The following SAMD4B variants were observed in gnomAD, a reference collection of about 807,000 sequenced individuals.
The protein encoded by SAMD4B is sterile alpha motif domain containing 4B.
Under a neutral mutation model 74.5 loss-of-function variants are expected in SAMD4B, and 5 were observed. The observed-to-expected ratio is 0.07, with a 90% CI of 0.04 to 0.14. SAMD4B has a LOEUF of 0.14. Among genes scored for constraint, SAMD4B ranks in the 10% least tolerant of loss-of-function variants. SAMD4B has a pLI of 1.00. For synonymous variants in SAMD4B, 373 were observed against 374.9 expected, an observed-to-expected ratio of 1.00 and a Z score of 0.06; for missense variants, 608 against 921.8, an observed-to-expected ratio of 0.66 and a Z score of 4.41.
In SAMD4B at chr19:39,374,243, G is replaced by A. The variant is rs749482876; in HGVS notation, c.668-1407G>A. Among the ~76,000 whole-genome samples, 64 of 151,976 alleles carry A rather than the reference G, an allele frequency of 4.2e-4. 1 individual carries two copies. Among genetic ancestry groups the A allele is most frequent in the Non-Finnish European group, 7.4e-4 (50 of 67,972 alleles). Reference sequence around the variant, plus strand: ...CCAAGATTGCACCACCGCACTCGGCGACAGAGCAAAACTCCATCTCAAAAA... The same window carrying A: ...CCAAGATTGCACCACCGCACTCGGCAACAGAGCAAAACTCCATCTCAAAAA... On this transcript the variant is annotated intron_variant, in intron 4 of 13. Coordinates refer to ENST00000610417, the MANE Select transcript of SAMD4B (RefSeq NM_001384574.2).
At chr19:39,350,937 C>G (rs2076005490) in intron 1 of SAMD4B, 1 of 152,102 alleles carries the variant, frequency 6.6e-6, no homozygotes, top group Admixed American at 6.5e-5. Flanking sequence ...AACGGTTTTG[C>G]CATGTTGCCC....
At chr19:39,382,440 T>A (rs1361442625) in intron 12 of SAMD4B, among the ~76,000 whole-genome samples, 1 of 151,958 alleles carries the variant, frequency 6.6e-6, no homozygotes, top group East Asian at 1.9e-4. Context: ...AAAAAAAAAA[T>A]TCTTTTTTTT....
At position 39,385,612 on chromosome 19, in the gene SAMD4B, C is replaced by G. The variant is rs1012533990; in HGVS notation, c.*2085C>G. On this transcript the variant is annotated 3_prime_UTR_variant, in exon 14 of 14. Coordinates refer to ENST00000610417, the MANE Select transcript of SAMD4B (RefSeq NM_001384574.2). Reference sequence around the variant, plus strand: ...TTGAGTAACTGTACAGTTTTTCTCGCTGTTGGAGAAGACTTATTTGTTGGA... The same window carrying G: ...TTGAGTAACTGTACAGTTTTTCTCGGTGTTGGAGAAGACTTATTTGTTGGA... The G allele has an allele frequency of 3.9e-6, 2 of 511,268 alleles. No homozygotes were observed. 31.7% of individuals were successfully genotyped at this position (511,268 alleles called of 1,614,324 possible).
chr19:39,370,241 A>G (rs1486250054), intron 4 of SAMD4B, 116 bp downstream of exon 4: 2 of 986,348 alleles, frequency 2.0e-6, no homozygotes, highest in African/African-American at 3.2e-5. Context: ...GTAGGCCTCA[A>G]CTTTATGAGG....
downstream of SAMD4B, chr19:39,389,311 A>G (rs1026327891): frequency 8.1e-6 from 13 of 1,614,000 alleles, no homozygotes; most frequent in Non-Finnish European, 8.5e-6. The surrounding 1 kb of genome is among the most constrained non-coding windows in gnomAD (Gnocchi z 5.3). Context: ...TGGAGATGCC[A>G]TAACGGTTGA....
chr19:39,380,696 C>T lies in SAMD4B; in HGVS notation c.1759C>T (p.Arg587Trp). 1.2e-6 allele frequency: 2 copies of T among 1,612,774 alleles called. No individual in the cohort carries two copies. The highest frequency in any genetic ancestry group is 2.2e-5 in the East Asian group (1 of 44,858). Residue 587 changes from arginine to tryptophan, a missense_variant, in exon 11 of 14, where the codon CGG becomes TGG. Coordinates refer to ENST00000610417, the MANE Select transcript of SAMD4B (RefSeq NM_001384574.2). ...PMPPRALPPGRMGLLSPSGIG... is the reference protein window; with the variant it reads ...PMPPRALPPGWMGLLSPSGIG... Reference sequence around the variant, plus strand: ...GCCTCCCCGGGCCCTCCCACCCGGCCGGATGGGCCTCCTGAGCCCCTCGGG... The same window carrying T: ...GCCTCCCCGGGCCCTCCCACCCGGCTGGATGGGCCTCCTGAGCCCCTCGGG...
At chr19:39,350,020 T>G (rs1393697659) in intron 1 of SAMD4B, 2 of 152,226 alleles carry the variant, frequency 1.3e-5, no homozygotes, top group Non-Finnish European at 2.9e-5. Flanking sequence ...GTGCCTCAGT[T>G]GCTCCATCTG....
In SAMD4B at chr19:39,378,010, G is replaced by A. The variant is rs912636663; in HGVS notation, c.1444+186G>A. Among the ~76,000 whole-genome samples, 17 of 152,240 alleles carry A rather than the reference G, an allele frequency of 1.1e-4. No individual in the cohort carries two copies. Among genetic ancestry groups the A allele is most frequent in the Non-Finnish European group, 1.9e-4 (13 of 68,050 alleles). Reference sequence around the variant, plus strand: ...CCTTGCCCTTGGGCACGTCTGGGCTGATGGTGGATAACAGCCCTTCCCCTC... The same window carrying A: ...CCTTGCCCTTGGGCACGTCTGGGCTAATGGTGGATAACAGCCCTTCCCCTC... On this transcript the variant is annotated intron_variant, in intron 8 of 13. Transcript: ENST00000610417. This position sits in a 1 kb window ranked among gnomAD's most constrained non-coding sequence, Gnocchi z 4.4.
Position 39,356,786 on chromosome 19 carries a change from A to T in SAMD4B, c.-108A>T. On this transcript the variant is annotated 5_prime_UTR_variant, in exon 3 of 14. Coordinates refer to ENST00000610417, the MANE Select transcript of SAMD4B (RefSeq NM_001384574.2). ...TGCCACCACGCCCAGAAACGTCCTT[A>T]AGCCCTGGCCCTCAGGGGAAAGGTA... is the stretch of plus-strand genomic sequence containing the variant. 5 of 938,210 alleles carry T rather than the reference A, an allele frequency of 5.3e-6. No homozygotes were observed. The highest frequency in any genetic ancestry group is 6.2e-6 in the Non-Finnish European group (4 of 640,214). 58.1% of individuals were successfully genotyped at this position (938,210 alleles called of 1,614,324 possible). A position where few individuals can be genotyped will look rare whatever the true frequency, so the allele number is the denominator to read the frequency against.
intron 3 of SAMD4B, among the ~76,000 whole-genome samples, chr19:39,361,243 T>C (rs914742335): frequency 2.0e-4 from 30 of 151,968 alleles, no homozygotes; most frequent in African/African-American, 7.3e-4. Context: ...AATCTTCCCC[T>C]CCTCCCCACC....
rs1390198893 is a variant in SAMD4B at position 39,378,209 on chromosome 19, A to G, written c.1445-295A>G. ...AGCCTTTCCTAAAGCAGCATGATAC[A>G]GCAGACTTTACACTTGGATCCAGAT... On this transcript the variant is annotated intron_variant, in intron 8 of 13. Coordinates refer to ENST00000610417, the MANE Select transcript of SAMD4B (RefSeq NM_001384574.2). This position sits in a 1 kb window ranked among gnomAD's most constrained non-coding sequence, Gnocchi z 4.4. Among the ~76,000 whole-genome samples the G allele has an allele frequency of 2.6e-5, 4 of 152,208 alleles. No homozygotes were observed. The highest frequency in any genetic ancestry group is 9.7e-5 in the African/African-American group (4 of 41,438).
chr19:39,359,156 T>G (rs943310024), intron 3 of SAMD4B, among the ~76,000 whole-genome samples: 4 of 152,214 alleles, frequency 2.6e-5, no homozygotes, highest in African/African-American at 9.7e-5. Flanking sequence ...GTGATATGAC[T>G]CTGCCTTTAT....
At chr19:39,348,170 G>A (rs1320989891) in intron 1 of SAMD4B, 1 of 152,208 alleles carries the variant, frequency 6.6e-6, no homozygotes, top group Non-Finnish European at 1.5e-5. Context: ...GCAAGGTGGG[G>A]AAATTTATCA....
downstream of SAMD4B, chr19:39,388,526 C>T (rs1182111950): frequency 3.1e-6 from 5 of 1,613,412 alleles, no homozygotes; most frequent in Non-Finnish European, 4.2e-6. Context: ...CCCAAAACTT[C>T]CCAATCCCCA....
At chr19:39,386,558 G>A (rs149634661), downstream of SAMD4B, 67 of 1,614,048 alleles carry the variant, frequency 4.2e-5, no homozygotes, top group African/African-American at 3.3e-4. The surrounding 1 kb of genome is among the most constrained non-coding windows in gnomAD (Gnocchi z 6.1). Flanking sequence ...TTTCTAGCTG[G>A]GCCTTCCGTG....
chr19:39,389,871 C>T, downstream of SAMD4B: 1 of 1,464,182 alleles, frequency 6.8e-7, no homozygotes, highest in Non-Finnish European at 9.5e-7. The surrounding 1 kb of genome is among the most constrained non-coding windows in gnomAD (Gnocchi z 5.3). Context: ...GAAGTGTCCC[C>T]CATGGCAGAG....
At chr19:39,389,954 T>C, downstream of SAMD4B, 3 of 1,056,522 alleles carry the variant, frequency 2.8e-6, no homozygotes, top group South Asian at 1.4e-5. This position sits in a 1 kb window ranked among gnomAD's most constrained non-coding sequence, Gnocchi z 5.3. Flanking sequence ...CAGCTACTAC[T>C]ATGTGCTAGG....
Position 39,379,861 on chromosome 19 carries a change from C to G in SAMD4B, c.1531-105C>G. Reference sequence around the variant, plus strand: ...GCTGGGATTACAGCTTGAGCCACCACGCCCGGCCAGGCAATAAATATTTGA... The same window carrying G: ...GCTGGGATTACAGCTTGAGCCACCAGGCCCGGCCAGGCAATAAATATTTGA... On this transcript the variant is annotated intron_variant, in intron 9 of 13. Transcript: ENST00000610417. 4 of 980,706 alleles carry G rather than the reference C, an allele frequency of 4.1e-6. No homozygotes were observed. The South Asian group carries it at 6.4e-5, about 16-fold the overall frequency. The allele number at this position is 980,706 out of a possible 1,614,324, so 60.8% of individuals were successfully genotyped here.
At chr19:39,376,586 C>A in intron 6 of SAMD4B, 40 bp downstream of exon 6, 1 of 1,591,462 alleles carries the variant, frequency 6.3e-7, no homozygotes, top group African/African-American at 1.3e-5. Context: ...CTGGGGGCAG[C>A]GCTAGTTTGG....
Sources: allele counts gnomAD v4.1 joint callset (sites outside exome capture counted in the v4.1 genomes callset), GRCh38; gene constraint gnomAD v4.1.1; non-coding constraint Gnocchi (gnomAD v3.1); transcripts MANE v1.5; gene names NCBI Gene and HGNC (gene_info 2026-07-23, HGNC 2026-07-21).